COL7A1: variants seen among roughly 807,000 people sequenced by gnomAD.
COL7A1 encodes collagen alpha-1(VII) chain.
In COL7A1, 296 loss-of-function variants were observed where a neutral mutation model predicts 456.2. The observed-to-expected ratio is 0.65, with a 90% CI of 0.59 to 0.71. The LOEUF (loss-of-function observed/expected upper bound fraction) is 0.71, where lower values mean the gene tolerates loss of function less well. Among genes scored for constraint, COL7A1 ranks in the 30% least tolerant of loss-of-function variants. The probability of loss-of-function intolerance (pLI) is 0.00; values close to 1 mark genes in which losing one functional copy is unlikely to be tolerated. For missense variants in COL7A1, 3,441 were observed against 4,017.2 expected (o/e 0.86, Z 3.88); for synonymous variants, 1,464 against 1,525.9 (o/e 0.96, Z 0.95).
At position 48,575,327 on chromosome 3, in the gene COL7A1, C is replaced by T; in HGVS notation, c.6180+12G>A. ...CTCTTCCCTCACTCTCCTGGCCAGC[C>T]CCCAGCCTCACCCTCTCTCCTGGCC... On this transcript the variant is annotated intron_variant, in intron 74 of 118. Transcript: ENST00000681320. The surrounding 1 kb of genome is among the most constrained non-coding windows in gnomAD (Gnocchi z 6.3). 6.2e-7 allele frequency: 1 copy of T among 1,613,508 alleles called. No individual in the cohort carries two copies.
chr3:48,572,825 G>A lies in COL7A1; in HGVS notation c.6831+37C>T, dbSNP rs200355091. ...CCTCATATTTCAGGCCCACAGCTGG[G>A]CACCACACCCTAGCGAGCTGCCCCC... is the stretch of plus-strand genomic sequence containing the variant. On this transcript the variant is annotated intron_variant, in intron 87 of 118. Transcript: ENST00000681320. This position sits in a 1 kb window ranked among gnomAD's most constrained non-coding sequence, Gnocchi z 4.6. 1.2e-6 allele frequency: 2 copies of A among 1,613,574 alleles called. No homozygotes were observed. The highest frequency in any genetic ancestry group is 2.2e-5 in the East Asian group (1 of 44,854).
Position 48,568,829 on chromosome 3 carries a change from C to T in COL7A1, c.7713G>A (p.Lys2571=), listed in dbSNP as rs1185510071. ...GCAGTCCTGGCAACCCGGCTGAGCC[C>T]TTGTCACCAGGCTCTCCCTTGCTGC... is the stretch of plus-strand genomic sequence containing the variant. ...DKGSKGEPGD[K]GSAGLPGLRG... The change falls in exon 104 of 119, where the codon AAG becomes AAA. Residue 2571 remains lysine (K), a synonymous_variant. Coordinates refer to ENST00000681320, the MANE Select transcript of COL7A1 (RefSeq NM_000094.4). This position sits in a 1 kb window ranked among gnomAD's most constrained non-coding sequence, Gnocchi z 5.2. The T allele has an allele frequency of 6.3e-7, 1 of 1,577,146 alleles. No individual in the cohort carries two copies. The highest frequency in any genetic ancestry group is 8.6e-7 in the Non-Finnish European group (1 of 1,160,262).
rs2045755122 is a variant in COL7A1, at chr3:48,592,226, C to A, written c.1116G>T (p.Glu372Asp). 6.2e-7 allele frequency: 1 copy of A among 1,613,580 alleles called. No homozygotes were observed. The highest frequency in any genetic ancestry group is 8.5e-7 in the Non-Finnish European group (1 of 1,179,924). ...VLSGGPTQQQ[E>D]LGPGQGSVLL... The stretch of plus-strand genomic sequence containing the variant: ...ACACTGAACCCTGCCCAGGGCCCAG[C>A]TCCTGCTGCTGTGTGGGCCCACCTG... The change falls in exon 10 of 119, where the codon GAG becomes GAT. Residue 372 changes from glutamate to aspartate, a missense_variant. Physicochemically the swap from Glu to Asp is conservative, Grantham distance 45. Coordinates refer to ENST00000681320, the MANE Select transcript of COL7A1 (RefSeq NM_000094.4). This position sits in a 1 kb window ranked among gnomAD's most constrained non-coding sequence, Gnocchi z 7.6.
In COL7A1 at chr3:48,588,446, G is replaced by A. The variant is rs745901898; in HGVS notation, c.2588-42C>T. ...GGAATCAGGGAGGCTCTGCCCCCAT[G>A]GCCCCTGCACCAATCCCAGGCCCAC... On this transcript the variant is annotated intron_variant, in intron 20 of 118. Transcript: ENST00000681320. The surrounding 1 kb of genome is among the most constrained non-coding windows in gnomAD (Gnocchi z 4.6). The A allele has an allele frequency of 2.5e-6, 4 of 1,600,830 alleles. No homozygotes were observed. The East Asian group carries it at 9.0e-5, about 36-fold the overall frequency.
Position 48,573,253 on chromosome 3 carries a change from T to A in COL7A1, c.6652-17A>T. ...AGTCAGGCCCTGGAGGAAGAGAAAG[T>A]TCAGGGCAGTGCCAACCCCACCCAT... On this transcript the variant is annotated splice_polypyrimidine_tract_variant and intron_variant, in intron 84 of 118. Transcript: ENST00000681320. This position sits in a 1 kb window ranked among gnomAD's most constrained non-coding sequence, Gnocchi z 5.5. 1 of 1,613,862 alleles carries A rather than the reference T, an allele frequency of 6.2e-7. No homozygotes were observed. Among genetic ancestry groups the A allele is most frequent in the Non-Finnish European group, 8.5e-7 (1 of 1,179,970 alleles).
chr3:48,579,713 C>A lies in COL7A1; in HGVS notation c.5155-45G>T, dbSNP rs1370715269. On this transcript the variant is annotated intron_variant, in intron 58 of 118. Transcript: ENST00000681320. The surrounding 1 kb of genome is among the most constrained non-coding windows in gnomAD (Gnocchi z 4.4). ...GCTGAGGAACAGCCTTGAAGCCAAG[C>A]CATGCCCAAGGTAGAACCTGCTGGG... is the stretch of plus-strand genomic sequence containing the variant. 1 of 1,613,882 alleles carries A rather than the reference C, an allele frequency of 6.2e-7. No homozygotes were observed. The highest frequency in any genetic ancestry group is 8.5e-7 in the Non-Finnish European group (1 of 1,179,990).
rs770413403 is a variant in COL7A1, at chr3:48,570,611, C to T, written c.7344+28G>A. The stretch of plus-strand genomic sequence containing the variant: ...CCTCACGAGGACAGGAAATCAAATA[C>T]GTGGGGCTTTAGGGCACCTCTACTC... On this transcript the variant is annotated intron_variant, in intron 96 of 118. Coordinates refer to ENST00000681320, the MANE Select transcript of COL7A1 (RefSeq NM_000094.4). This position sits in a 1 kb window ranked among gnomAD's most constrained non-coding sequence, Gnocchi z 5.5. 1.1e-5 allele frequency: 18 copies of T among 1,610,864 alleles called. No individual in the cohort carries two copies. In the South Asian group the frequency reaches 1.5e-4, roughly 14 times the overall value.
At position 48,591,205 on chromosome 3, in the gene COL7A1, A is replaced by G. The variant is rs1459950233; in HGVS notation, c.1636+259T>C. 2.6e-5 allele frequency among the ~76,000 whole-genome samples: 4 copies of G among 152,082 alleles called. No homozygotes were observed. Among genetic ancestry groups the G allele is most frequent in the Non-Finnish European group, 5.9e-5 (4 of 68,008 alleles). On this transcript the variant is annotated intron_variant, in intron 13 of 118. Transcript: ENST00000681320. The surrounding 1 kb of genome is among the most constrained non-coding windows in gnomAD (Gnocchi z 7.0). The stretch of plus-strand genomic sequence containing the variant: ...CACTAGGGTAACAGAAAGACAGGTG[A>G]TTGAGCTTGTGGCTGTGCAGAGGTG...
rs754315799 is a variant in COL7A1, at chr3:48,575,672, C to T, written c.5933G>A (p.Arg1978Gln). The change falls in exon 73 of 119, where the codon CGA becomes CAA. Residue 1978 changes from arginine (R) to glutamine (Q), a missense_variant. By Grantham distance (43) the Arg-to-Gln change is conservative. Transcript: ENST00000681320. This position sits in a 1 kb window ranked among gnomAD's most constrained non-coding sequence, Gnocchi z 6.3. The stretch of plus-strand genomic sequence containing the variant: ...TTCGCCTGAGTCCCCCTTGGGGCCT[C>T]GACGCCGTTCGGGCACAGGCAGGAA... ...GSFLPVPERR[R>Q]GPKGDSGEQG... 7.2e-5 allele frequency: 116 copies of T among 1,613,460 alleles called. No individual in the cohort carries two copies. The highest frequency in any genetic ancestry group is 9.3e-5 in the Non-Finnish European group (110 of 1,180,018).
In COL7A1 at chr3:48,588,655, A is replaced by C. The variant is rs776737160; in HGVS notation, c.2574T>G (p.Ile858Met). 1 of 1,613,828 alleles carries C rather than the reference A, an allele frequency of 6.2e-7. No homozygotes were observed. Among genetic ancestry groups the C allele is most frequent in the Non-Finnish European group, 8.5e-7 (1 of 1,180,036 alleles). Reference sequence around the variant, plus strand: ...TGCTCTGCCTACGCGTAGTGACAACAATGGAGACAGGTGTGCCCTCGCGGT... The same window carrying C: ...TGCTCTGCCTACGCGTAGTGACAACCATGGAGACAGGTGTGCCCTCGCGGT... ...VGDREGTPVSIVVTTPPEAPP... is the reference protein window; with the variant it reads ...VGDREGTPVSMVVTTPPEAPP... Residue 858 changes from isoleucine (I) to methionine (M), a missense_variant, in exon 20 of 119, where the codon ATT becomes ATG. Coordinates refer to ENST00000681320, the MANE Select transcript of COL7A1 (RefSeq NM_000094.4). The surrounding 1 kb of genome is among the most constrained non-coding windows in gnomAD (Gnocchi z 4.6).
rs772497066 is a variant in COL7A1 at position 48,586,007 on chromosome 3, A to T, written c.3724-32T>A. Reference sequence around the variant, plus strand: ...ACATAGGGTCTCTTTGAGGTTGAACATTTCTACCAAGAACCCCCAGACCCC... The same window carrying T: ...ACATAGGGTCTCTTTGAGGTTGAACTTTTCTACCAAGAACCCCCAGACCCC... On this transcript the variant is annotated intron_variant, in intron 28 of 118. Coordinates refer to ENST00000681320, the MANE Select transcript of COL7A1 (RefSeq NM_000094.4). The surrounding 1 kb of genome is among the most constrained non-coding windows in gnomAD (Gnocchi z 5.1). 1 of 1,613,666 alleles carries T rather than the reference A, an allele frequency of 6.2e-7. No homozygotes were observed.
Position 48,568,235 on chromosome 3 carries a change from G to C in COL7A1, c.7795-65C>G. On this transcript the variant is annotated intron_variant, in intron 105 of 118. Transcript: ENST00000681320. The surrounding 1 kb of genome is among the most constrained non-coding windows in gnomAD (Gnocchi z 5.2). Reference sequence around the variant, plus strand: ...GTGAGGGACCAAAGAGAATCGCCCTGGATAGTGGGTAGGGAACACCATGGG... The same window carrying C: ...GTGAGGGACCAAAGAGAATCGCCCTCGATAGTGGGTAGGGAACACCATGGG... The C allele has an allele frequency of 6.4e-7, 1 of 1,561,158 alleles. No homozygotes were observed. Among genetic ancestry groups the C allele is most frequent in the Non-Finnish European group, 8.8e-7 (1 of 1,140,130 alleles).
At position 48,593,083 on chromosome 3, in the gene COL7A1, C is replaced by T. The variant is rs1012819337; in HGVS notation, c.682+19G>A. ...GTCCGGGGTCTAGGTCAGGGTACACCGTGTGGGCAGGAACTCACGAGGTCG... is the reference window on the plus strand; with the variant it reads ...GTCCGGGGTCTAGGTCAGGGTACACTGTGTGGGCAGGAACTCACGAGGTCG... On this transcript the variant is annotated intron_variant, in intron 6 of 118. Coordinates refer to ENST00000681320, the MANE Select transcript of COL7A1 (RefSeq NM_000094.4). This position sits in a 1 kb window ranked among gnomAD's most constrained non-coding sequence, Gnocchi z 4.4. The T allele has an allele frequency of 1.1e-5, 17 of 1,613,934 alleles. No individual in the cohort carries two copies. The highest frequency in any genetic ancestry group is 1.7e-5 in the Admixed American group (1 of 59,992).
chr3:48,567,492 C>T lies in COL7A1; in HGVS notation c.8046+82G>A. ...CCCAACCCTCTACAGCCTTCCTTGT[C>T]CCTACACCCCCATGACCCGACCATG... On this transcript the variant is annotated intron_variant, in intron 109 of 118. Coordinates refer to ENST00000681320, the MANE Select transcript of COL7A1 (RefSeq NM_000094.4). The surrounding 1 kb of genome is among the most constrained non-coding windows in gnomAD (Gnocchi z 4.3). The T allele has an allele frequency of 1.3e-6, 2 of 1,584,960 alleles. No individual in the cohort carries two copies. The highest frequency in any genetic ancestry group is 1.7e-6 in the Non-Finnish European group (2 of 1,153,782).
Position 48,571,828 on chromosome 3 carries a change from T to C in COL7A1, c.7068+173A>G. On this transcript the variant is annotated intron_variant, in intron 92 of 118. Transcript: ENST00000681320. The surrounding 1 kb of genome is among the most constrained non-coding windows in gnomAD (Gnocchi z 4.6). ...AAGACAGGGCCCCCAGAGCTCAGAGTGTGGAAGCCGACAGTGTGTGGCTCC... is the reference window on the plus strand; with the variant it reads ...AAGACAGGGCCCCCAGAGCTCAGAGCGTGGAAGCCGACAGTGTGTGGCTCC... The C allele has an allele frequency of 2.6e-6, 2 of 781,304 alleles. No individual in the cohort carries two copies. Among genetic ancestry groups the C allele is most frequent in the Non-Finnish European group, 4.2e-6 (2 of 473,828 alleles). 48.4% of individuals were successfully genotyped at this position (781,304 alleles called of 1,614,324 possible). A position where few individuals can be genotyped will look rare whatever the true frequency, so the allele number is the denominator to read the frequency against.
rs2107638015 is a variant in COL7A1, at chr3:48,568,367, C to G, written c.7794+132G>C. 2.7e-6 allele frequency: 3 copies of G among 1,096,116 alleles called. No individual in the cohort carries two copies. Among genetic ancestry groups the G allele is most frequent in the Non-Finnish European group, 2.7e-6 (2 of 738,720 alleles). 67.9% of individuals were successfully genotyped at this position (1,096,116 alleles called of 1,614,324 possible). On this transcript the variant is annotated intron_variant, in intron 105 of 118. Transcript: ENST00000681320. The surrounding 1 kb of genome is among the most constrained non-coding windows in gnomAD (Gnocchi z 5.2). ...GGCGGCTACTGTGGAGGTGGGGGACCCTGGGTGACATGAGGACACCATGAG... is the reference window on the plus strand; with the variant it reads ...GGCGGCTACTGTGGAGGTGGGGGACGCTGGGTGACATGAGGACACCATGAG...
chr3:48,567,581 C>T lies in COL7A1; in HGVS notation c.8039G>A (p.Gly2680Asp). 6.2e-7 allele frequency: 1 copy of T among 1,614,194 alleles called. No individual in the cohort carries two copies. Among genetic ancestry groups the T allele is most frequent in the Non-Finnish European group, 8.5e-7 (1 of 1,180,018 alleles). The change falls in exon 109 of 119, where the codon GGT becomes GAT. Residue 2680 changes from glycine to aspartate, a missense_variant. Gly to Asp is a moderately conservative substitution (Grantham distance 94). Coordinates refer to ENST00000681320, the MANE Select transcript of COL7A1 (RefSeq NM_000094.4). This position sits in a 1 kb window ranked among gnomAD's most constrained non-coding sequence, Gnocchi z 4.3. Reference sequence around the variant, plus strand: ...TGTCCACAGACCCTGTACCTTGGGACCGATCAGGCCCTCCTTGCCAGGGGC... The same window carrying T: ...TGTCCACAGACCCTGTACCTTGGGATCGATCAGGCCCTCCTTGCCAGGGGC... ...SGAPGKEGLI[G>D]PKGDRGFDGQ...
rs1316471630 is a variant in COL7A1, at chr3:48,564,899, G to A, written c.8702C>T (p.Thr2901Ile). 6.2e-7 allele frequency: 1 copy of A among 1,614,170 alleles called. No individual in the cohort carries two copies. The part of the protein sequence containing the change: ...RWYHRAVTGS[T>I]EACHPFVYGG... ...ATAGACAAAAGGGTGACAGGCCTCTGTGCTGCCTGTCACAGCCCGATGGTA... is the reference window on the plus strand; with the variant it reads ...ATAGACAAAAGGGTGACAGGCCTCTATGCTGCCTGTCACAGCCCGATGGTA... The change falls in exon 118 of 119, where the codon ACA becomes ATA. Residue 2901 changes from threonine to isoleucine, a missense_variant. Around this residue, in one of 3 missense-constraint regions of COL7A1, gnomAD observed 2,084 missense variants for 2,501.3 expected, o/e 0.83. Transcript: ENST00000681320. The surrounding 1 kb of genome is among the most constrained non-coding windows in gnomAD (Gnocchi z 6.0).
In COL7A1 at chr3:48,576,403, C is replaced by T. The variant is rs143843471; in HGVS notation, c.5769G>A (p.Glu1923=). The T allele has an allele frequency of 6.0e-4, 964 of 1,613,852 alleles. No homozygotes were observed. The highest frequency in any genetic ancestry group is 7.8e-4 in the Non-Finnish European group (925 of 1,180,002). The stretch of plus-strand genomic sequence containing the variant: ...GTGGAAAAGGTGGGGGCCTCACCTG[C>T]TCCCCTTTGGATCCAGTCTCCCCAC... ...GDRGETGSKG[E]QGLPGERGLR... is the part of the protein sequence containing the mutation. The change falls in exon 70 of 119, where the codon GAG becomes GAA. Residue 1923 remains glutamate, a synonymous_variant. Transcript: ENST00000681320.
Sources: gnomAD v4.1 joint callset for allele counts (sites outside exome capture counted in the v4.1 genomes callset) on GRCh38, gnomAD v4.1.1 for gene constraint, gnomAD v4.1.1 regional missense constraint, Gnocchi (gnomAD v3.1) non-coding constraint, MANE v1.5 for transcripts, NCBI Gene and HGNC (gene_info 2026-07-23, HGNC 2026-07-21) for gene names.